Variants in ATP13A4 observed in about 807,000 individuals in gnomAD.
ATP13A4 encodes the protein probable cation-transporting ATPase 13A4.
A neutral mutation model predicts 142.5 loss-of-function variants in ATP13A4; 114 were observed. The ratio of observed to expected loss-of-function variants is 0.80; its 90% CI spans 0.69 to 0.93. The LOEUF is 0.93. Among genes scored for constraint, ATP13A4 ranks in the 40% least tolerant of loss-of-function variants. The pLI, the probability that ATP13A4 is intolerant of heterozygous loss-of-function variation, is 0.00. For synonymous variants in ATP13A4, 488 were observed against 514.8 expected (o/e 0.95, Z 0.70); for missense variants, 1,392 against 1,454.0 (o/e 0.96, Z 0.69).
intron 2 of ATP13A4, among the ~76,000 whole-genome samples, chr3:193,567,176 T>A (rs971060352): frequency 6.6e-6 from 1 of 152,014 alleles, no homozygotes; most frequent in African/African-American, 2.4e-5. Context: ...AAAATGATAA[T>A]TAAATATTAA....
intron 1 of ATP13A4, among the ~76,000 whole-genome samples, chr3:193,582,149 CT>C (rs61610633): frequency 0.036 from 4,469 of 124,356 alleles, 220 homozygotes; most frequent in African/African-American, 0.12. Context: ...CTTTTCTTTT[CT>C]TTTTTTTTTT....
At chr3:193,482,233 A>T (rs1312099180) in intron 8 of ATP13A4, among the ~76,000 whole-genome samples, 1 of 152,200 alleles carries the variant, frequency 6.6e-6, no homozygotes, top group African/African-American at 2.4e-5. Context: ...GAACATTTGG[A>T]TATCTGTTTG....
intron 1 of ATP13A4, among the ~76,000 whole-genome samples, chr3:193,527,989 T>C (rs1270504917): frequency 6.6e-6 from 1 of 152,228 alleles, no homozygotes; most frequent in Non-Finnish European, 1.5e-5. Flanking sequence ...CCCTTACAGA[T>C]GCACGTCTAA....
At chr3:193,446,949 A>G (rs889728233) in intron 18 of ATP13A4, among the ~76,000 whole-genome samples, 7 of 152,242 alleles carry the variant, frequency 4.6e-5, no homozygotes, top group Non-Finnish European at 8.8e-5. Flanking sequence ...TATCTGAGCA[A>G]GATGTCATTC....
In ATP13A4 at chr3:193,467,408, T is replaced by A. The variant is rs761016250; in HGVS notation, c.1022A>T (p.Asp341Val). The A allele has an allele frequency of 6.8e-6, 11 of 1,613,966 alleles. 1 individual carries two copies. In the South Asian group the frequency reaches 1.1e-4, roughly 16 times the overall value. Residue 341 changes from aspartate (D) to valine (V), a missense_variant, in exon 10 of 30, where the codon GAT (aspartate) becomes GTT (valine). Physicochemically the swap from Asp to Val is radical, Grantham distance 152. Transcript: ENST00000342695. ...SVPWKTQSEA[D>V]YKRHVLFCGT... ...ACAGAAGAGGACATGCCGCTTGTAATCCGCTTCACTCTGTGTTTTCCAGGG... is the reference window on the plus strand; with the variant it reads ...ACAGAAGAGGACATGCCGCTTGTAAACCGCTTCACTCTGTGTTTTCCAGGG...
At chr3:193,479,052 T>G (rs981278454) in intron 8 of ATP13A4, among the ~76,000 whole-genome samples, 1 of 152,130 alleles carries the variant, frequency 6.6e-6, no homozygotes, top group African/African-American at 2.4e-5. Flanking sequence ...AAAAAGCATT[T>G]GACAAAATCC....
chr3:193,512,992 C>T (rs1721221196), intron 2 of ATP13A4, among the ~76,000 whole-genome samples: 1 of 152,230 alleles, frequency 6.6e-6, no homozygotes, highest in African/African-American at 2.4e-5. Context: ...TCTTATTCCA[C>T]AATAACCTCT....
At chr3:193,528,873 G>GTC (rs5855487) in intron 1 of ATP13A4, among the ~76,000 whole-genome samples, 148,258 of 152,270 alleles carry the variant, frequency 0.97, 72,209 homozygotes, top group East Asian at 1. Flanking sequence ...TTATTCAATG[G>GTC]TCCATTTTTC....
intron 1 of ATP13A4, among the ~76,000 whole-genome samples, chr3:193,520,831 A>C (rs1212905976): frequency 1.3e-5 from 2 of 152,226 alleles, no homozygotes; most frequent in African/African-American, 4.8e-5. Flanking sequence ...ATCCTGAGGA[A>C]CAAAATGAAC....
intron 25 of ATP13A4, among the ~76,000 whole-genome samples, chr3:193,425,427 C>T (rs1354743398): frequency 6.6e-6 from 1 of 151,414 alleles, no homozygotes; most frequent in African/African-American, 2.4e-5. Flanking sequence ...TTATTGAAGC[C>T]CTATTCATAA....
At chr3:193,541,185 C>G (rs1722890333) in intron 1 of ATP13A4, among the ~76,000 whole-genome samples, 1 of 143,744 alleles carries the variant, frequency 7.0e-6, no homozygotes, top group Non-Finnish European at 1.5e-5. Context: ...GGAGGCGGAG[C>G]TTGCAGTGAG....
chr3:193,490,781 A>C (rs938184778), intron 6 of ATP13A4, among the ~76,000 whole-genome samples: 1 of 152,100 alleles, frequency 6.6e-6, no homozygotes, highest in African/African-American at 2.4e-5. Flanking sequence ...GGCAAGGAGG[A>C]GTCGAGAGAG....
intron 18 of ATP13A4, among the ~76,000 whole-genome samples, chr3:193,444,395 ATAAT>A (rs1435209304): frequency 6.6e-6 from 1 of 152,242 alleles, no homozygotes; most frequent in Non-Finnish European, 1.5e-5. Flanking sequence ...AAAATTGAAG[ATAAT>A]TTGTTGACAG....
At chr3:193,537,061 C>A (rs1194755960) in intron 1 of ATP13A4, among the ~76,000 whole-genome samples, 1 of 151,904 alleles carries the variant, frequency 6.6e-6, no homozygotes, top group Admixed American at 6.6e-5. Context: ...CAATGCAATA[C>A]CTATCAAAAT....
At chr3:193,497,089 A>G (rs1720282312) in intron 3 of ATP13A4, among the ~76,000 whole-genome samples, 1 of 152,206 alleles carries the variant, frequency 6.6e-6, no homozygotes, top group Non-Finnish European at 1.5e-5. Flanking sequence ...TCAAGCTAAA[A>G]GTTTCTATAC....
intron 3 of ATP13A4, among the ~76,000 whole-genome samples, chr3:193,499,598 A>G (rs1720425943): frequency 6.6e-6 from 1 of 152,204 alleles, no homozygotes; most frequent in African/African-American, 2.4e-5. Flanking sequence ...CCAGAGTTCA[A>G]TCTCTCAAAG....
At chr3:193,484,818 C>T (rs1179866146) in intron 7 of ATP13A4, among the ~76,000 whole-genome samples, 1 of 151,838 alleles carries the variant, frequency 6.6e-6, no homozygotes. Flanking sequence ...TTACAGCCTG[C>T]TGAGAAAAGT....
chr3:193,489,746 A>G lies in ATP13A4; in HGVS notation c.722T>C (p.Val241Ala), dbSNP rs1377590377. Reference protein sequence around the residue: ...IMSIISISLTVYDLREQSVKL... With the variant: ...IMSIISISLTAYDLREQSVKL... ...AAAACTCACCTCTCTGAGATCATATACTGTCAAAGATATGGAAATTATGGA... is the reference window on the plus strand; with the variant it reads ...AAAACTCACCTCTCTGAGATCATATGCTGTCAAAGATATGGAAATTATGGA... Residue 241 changes from valine (V) to alanine (A), a missense_variant, in exon 7 of 30, where the codon GTA becomes GCA. Coordinates refer to ENST00000342695, the MANE Select transcript of ATP13A4 (RefSeq NM_032279.4). 2 of 1,609,664 alleles carry G rather than the reference A, an allele frequency of 1.2e-6. No individual in the cohort carries two copies. Among genetic ancestry groups the G allele is most frequent in the Middle Eastern group, 1.7e-4 (1 of 6,052 alleles).
At chr3:193,538,753 G>C (rs1431805072) in intron 1 of ATP13A4, among the ~76,000 whole-genome samples, 2 of 152,056 alleles carry the variant, frequency 1.3e-5, no homozygotes, top group East Asian at 3.9e-4. Flanking sequence ...AACATTTTCT[G>C]TAATGTCCCA....
Sources: allele counts gnomAD v4.1 joint callset (sites outside exome capture counted in the v4.1 genomes callset), GRCh38; gene constraint gnomAD v4.1.1; transcripts MANE v1.5; gene names NCBI Gene and HGNC (gene_info 2026-07-23, HGNC 2026-07-21).